The following FRMPD4 variants were observed in gnomAD, a reference collection of about 807,000 sequenced individuals.
FRMPD4 encodes the protein FERM and PDZ domain containing 4.
FRMPD4 carries 22 observed loss-of-function variants against 94.1 expected under a neutral mutation model. That is an observed-to-expected ratio of 0.23 (90% CI 0.17 to 0.33). The LOEUF is 0.33. Among genes scored for constraint, FRMPD4 ranks in the 10% least tolerant of loss-of-function variants. The probability of loss-of-function intolerance (pLI) is 1.00; values close to 1 mark genes in which losing one functional copy is unlikely to be tolerated. For missense variants in FRMPD4, 1,111 were observed against 1,339.9 expected (o/e 0.83, Z 2.67); for synonymous variants, 631 against 548.6 (o/e 1.15, Z -2.10).
At chrX:12,346,536 G>T (rs781638869) in intron 1 of FRMPD4, among the ~76,000 whole-genome samples, 2 of 111,206 alleles carry the variant, frequency 1.8e-5, no homozygotes, top group Non-Finnish European at 3.8e-5. Context: ...CCAGAGAACC[G>T]CTGCGTAGAT....
intron 3 of FRMPD4, among the ~76,000 whole-genome samples, chrX:11,925,788 A>G (rs958680111): frequency 1.6e-4 from 18 of 111,713 alleles, no homozygotes; most frequent in Non-Finnish European, 3.4e-4. Context: ...CTAAATGCCC[A>G]CATTGAAAAA....
At chrX:12,284,126 T>C (rs2054565573) in intron 1 of FRMPD4, among the ~76,000 whole-genome samples, 1 of 112,151 alleles carries the variant, frequency 8.9e-6, no homozygotes, top group Admixed American at 9.4e-5. Flanking sequence ...TTTGTTTTGG[T>C]GAACAGCTAT....
rs147510486 is a variant in FRMPD4 at position 12,318,248 on chromosome X, A to C, written c.41+179236A>C. On this transcript the variant is annotated intron_variant, in intron 1 of 16. Coordinates refer to ENST00000675598, the MANE Select transcript of FRMPD4 (RefSeq NM_001368397.1). ...TCTCATTCATATGTGGGAGCTGACC[A>C]GCTGAGGCAGCTCACATCTATAATC... Among the ~76,000 whole-genome samples, 127 of 112,850 alleles carry C rather than the reference A, an allele frequency of 1.1e-3. 2 individuals are homozygous for C. The East Asian group carries it at 0.019, about 17-fold the overall frequency.
intron 9 of FRMPD4, among the ~76,000 whole-genome samples, chrX:12,700,281 T>C (rs1443529142): frequency 8.9e-6 from 1 of 111,986 alleles, no homozygotes; most frequent in Non-Finnish European, 1.9e-5. Flanking sequence ...CAACAAAATA[T>C]TCTTGGGGCA....
chrX:12,108,026 C>G (rs1201982851), intron 3 of FRMPD4, among the ~76,000 whole-genome samples: 2 of 111,807 alleles, frequency 1.8e-5, no homozygotes, highest in East Asian at 5.6e-4. Context: ...AGAACTTCCC[C>G]AACCTAGCAA....
chrX:12,053,638 TA>T (rs1396158067), intron 3 of FRMPD4, among the ~76,000 whole-genome samples: 1 of 111,750 alleles, frequency 8.9e-6, no homozygotes, highest in African/African-American at 3.2e-5. Flanking sequence ...AGAAAACTTT[TA>T]GGTGAACAAC....
At chrX:11,997,921 C>T (rs1269374307) in intron 3 of FRMPD4, among the ~76,000 whole-genome samples, 1 of 111,466 alleles carries the variant, frequency 9.0e-6, no homozygotes, top group East Asian at 2.8e-4. Context: ...ACCTTAAAAC[C>T]TTTACATGGC....
intron 3 of FRMPD4, among the ~76,000 whole-genome samples, chrX:12,068,284 G>A (rs186577259): frequency 4.1e-4 from 46 of 112,169 alleles, no homozygotes; most frequent in East Asian, 2.8e-4. Flanking sequence ...CTGGCCTTCA[G>A]AAGTGTAAGA....
chrX:12,014,354 C>T (rs941792278), intron 3 of FRMPD4, among the ~76,000 whole-genome samples: 1 of 112,381 alleles, frequency 8.9e-6, no homozygotes, highest in Admixed American at 9.5e-5. Flanking sequence ...TCTAAATTAA[C>T]TATTTTTATG....
chrX:12,482,986 G>A (rs1179429107), intron 1 of FRMPD4, among the ~76,000 whole-genome samples: 1 of 112,151 alleles, frequency 8.9e-6, no homozygotes, highest in African/African-American at 3.2e-5. Flanking sequence ...TTAGTTGGCA[G>A]AATGAATGGA....
intron 2 of FRMPD4, among the ~76,000 whole-genome samples, chrX:12,580,490 C>T (rs1281262065): frequency 1.8e-5 from 2 of 111,850 alleles, no homozygotes; most frequent in Non-Finnish European, 3.8e-5. Context: ...AAATTAGGCA[C>T]AGGAAGATTA....
chrX:12,095,623 C>T (rs1040884925), intron 3 of FRMPD4, among the ~76,000 whole-genome samples: 1 of 110,845 alleles, frequency 9.0e-6, no homozygotes, highest in African/African-American at 3.3e-5. Context: ...TCTAGTCCAG[C>T]AAAAAGGTCA....
At chrX:12,502,150 C>T (rs1013317930) in intron 2 of FRMPD4, among the ~76,000 whole-genome samples, 2 of 111,803 alleles carry the variant, frequency 1.8e-5, no homozygotes, top group African/African-American at 6.5e-5. Flanking sequence ...TAATGAACAG[C>T]TATGGTTGCT....
intron 3 of FRMPD4, among the ~76,000 whole-genome samples, chrX:12,027,633 A>G (rs907124102): frequency 3.6e-5 from 4 of 112,123 alleles, no homozygotes; most frequent in African/African-American, 1.3e-4. Flanking sequence ...TCAAATAAAA[A>G]TATTTCAGTC....
At chrX:12,200,880 A>G (rs909831079) in intron 1 of FRMPD4, among the ~76,000 whole-genome samples, 1 of 112,701 alleles carries the variant, frequency 8.9e-6, no homozygotes, top group African/African-American at 3.2e-5. Flanking sequence ...GAATATTTAA[A>G]TGAATTTACA....
At chrX:12,513,420 C>A (rs753761467) in intron 2 of FRMPD4, among the ~76,000 whole-genome samples, 5 of 111,865 alleles carry the variant, frequency 4.5e-5, no homozygotes, top group Non-Finnish European at 9.4e-5. Flanking sequence ...GGTCCAGTTT[C>A]AATTTTCTAC....
intron 1 of FRMPD4, among the ~76,000 whole-genome samples, chrX:12,431,724 A>G (rs2057011928): frequency 8.9e-6 from 1 of 112,332 alleles, no homozygotes; most frequent in Non-Finnish European, 1.9e-5. Flanking sequence ...AAAATCATCT[A>G]TAATAAAATT....
At chrX:12,361,411 A>G (rs1236619919) in intron 1 of FRMPD4, among the ~76,000 whole-genome samples, 1 of 112,202 alleles carries the variant, frequency 8.9e-6, no homozygotes, top group African/African-American at 3.2e-5. Context: ...GCTCAACTTG[A>G]CATCACCTCT....
intron 1 of FRMPD4, among the ~76,000 whole-genome samples, chrX:12,469,065 G>C (rs987836053): frequency 8.9e-6 from 1 of 112,083 alleles, no homozygotes. Context: ...AAGCATGGTG[G>C]TTCTTTTCCA....
Sources: allele counts gnomAD v4.1 joint callset (sites outside exome capture counted in the v4.1 genomes callset), GRCh38; gene constraint gnomAD v4.1.1; transcripts MANE v1.5; gene names NCBI Gene and HGNC (gene_info 2026-07-23, HGNC 2026-07-21).